Variants in ABCC1 observed in about 807,000 individuals in gnomAD.
The protein encoded by ABCC1 is multidrug resistance-associated protein 1.
ABCC1 carries 83 observed loss-of-function variants against 172.9 expected under a neutral mutation model. The observed-to-expected ratio is 0.48, with a 90% CI of 0.40 to 0.58. The LOEUF is 0.58. Ranked by LOEUF, ABCC1 falls within the 20% of genes least tolerant of loss-of-function variation. ABCC1 has a pLI of 0.00. For synonymous variants in ABCC1, 937 were observed against 825.2 expected (o/e 1.14, Z -2.32); for missense variants, 1,817 against 2,002.7 (o/e 0.91, Z 1.77).
At position 16,007,214 on chromosome 16, in the gene ABCC1, T is replaced by TTGTGTGTGTGTGTG. The variant is rs71388788; in HGVS notation, c.49-585_49-572dup. ...TGGGTTTTTTTGTGTGTATGCACTG[T>TTGTGTGTGTGTGTG]TGTGTGTGTGTGTGTGTGTGTGTGT... On this transcript the variant is annotated intron_variant, in intron 1 of 30. Transcript: ENST00000399410. Among the ~76,000 whole-genome samples, 678 of 145,826 alleles carry TTGTGTGTGTGTGTG rather than the reference T, an allele frequency of 4.6e-3. 11 individuals carry two copies. The highest frequency in any genetic ancestry group is 0.024 in the South Asian group (110 of 4,534).
At chr16:16,055,219 G>A (rs2049596663) in intron 11 of ABCC1, among the ~76,000 whole-genome samples, 1 of 151,908 alleles carries the variant, frequency 6.6e-6, no homozygotes, top group Non-Finnish European at 1.5e-5. Context: ...GCCAGAGTGA[G>A]ATGATGTTTC....
chr16:16,132,400 T>C (rs889551933), intron 27 of ABCC1, among the ~76,000 whole-genome samples: 1 of 151,834 alleles, frequency 6.6e-6, no homozygotes, highest in African/African-American at 2.4e-5. Context: ...TCTGGAACTC[T>C]TGAGCTCAAC....
chr16:16,019,736 C>T (rs1480035205), intron 5 of ABCC1, among the ~76,000 whole-genome samples: 1 of 152,190 alleles, frequency 6.6e-6, no homozygotes, highest in African/African-American at 2.4e-5. Context: ...GCATTCCTGG[C>T]AGCCTGGGCC....
At chr16:15,955,643 A>G (rs1222855050) in intron 1 of ABCC1, among the ~76,000 whole-genome samples, 1 of 151,838 alleles carries the variant, frequency 6.6e-6, no homozygotes, top group Non-Finnish European at 1.5e-5. Flanking sequence ...CCTACCTACT[A>G]TGTCCCTCAC....
intron 1 of ABCC1, among the ~76,000 whole-genome samples, chr16:15,998,348 A>G (rs2047130687): frequency 6.6e-6 from 1 of 151,560 alleles, no homozygotes; most frequent in South Asian, 2.1e-4. Context: ...GCTTTTCTTG[A>G]ACTCCTGAGC....
chr16:16,087,066 G>A (rs567771474), intron 18 of ABCC1, 75 bp downstream of exon 18: 1 of 1,507,000 alleles, frequency 6.6e-7, no homozygotes, highest in South Asian at 1.2e-5. Flanking sequence ...TCCCCTTTAG[G>A]AGTCCTTTAC....
At chr16:16,117,116 T>C (rs1390657306) in intron 23 of ABCC1, among the ~76,000 whole-genome samples, 1 of 152,160 alleles carries the variant, frequency 6.6e-6, no homozygotes, top group Non-Finnish European at 1.5e-5. Context: ...ACCGAAACCA[T>C]GTGTGTTAGT....
At chr16:15,961,529 G>A (rs1029446160) in intron 1 of ABCC1, among the ~76,000 whole-genome samples, 5 of 152,148 alleles carry the variant, frequency 3.3e-5, no homozygotes, top group Admixed American at 1.3e-4. Flanking sequence ...AGAAGTAGCC[G>A]TTATTGATGA....
intron 21 of ABCC1, among the ~76,000 whole-genome samples, chr16:16,110,440 A>C (rs1210297399): frequency 6.6e-6 from 1 of 151,982 alleles, no homozygotes; most frequent in Admixed American, 6.6e-5. Flanking sequence ...CCCACGCTGG[A>C]GTGCAGTGGC....
intron 6 of ABCC1, among the ~76,000 whole-genome samples, chr16:16,034,966 C>T (rs2048699799): frequency 6.6e-6 from 1 of 152,098 alleles, no homozygotes; most frequent in Admixed American, 6.6e-5. Flanking sequence ...TCAATGGATA[C>T]AGACAGAGAA....
At chr16:15,986,696 T>C (rs192518286) in intron 1 of ABCC1, among the ~76,000 whole-genome samples, 1 of 152,342 alleles carries the variant, frequency 6.6e-6, no homozygotes, top group East Asian at 1.9e-4. Flanking sequence ...TCCAAAGTCC[T>C]TAATGATACC....
At position 15,949,730 on chromosome 16, in the gene ABCC1, C is replaced by T; in HGVS notation, c.-22C>T. 1 of 1,153,266 alleles carries T rather than the reference C, an allele frequency of 8.7e-7. No individual in the cohort carries two copies. The highest frequency in any genetic ancestry group is 1.1e-6 in the Non-Finnish European group (1 of 936,352). 71.4% of individuals were successfully genotyped at this position (1,153,266 alleles called of 1,614,324 possible). On this transcript the variant is annotated 5_prime_UTR_variant, in exon 1 of 31. Coordinates refer to ENST00000399410, the MANE Select transcript of ABCC1 (RefSeq NM_004996.4). ...GCCCGATCACCCGCCGCCCGGTGCC[C>T]GCCGCCGCCCGCGCCACCGGCATGG...
rs187261086 is a variant in ABCC1 at position 16,052,836 on chromosome 16, G to A, written c.1473+20G>A. ...TATCAGGTAAGGCATGTGTCTCTGC[G>A]GGCCCCCAAGCCGGGCCCTAGGCAG... is the stretch of plus-strand genomic sequence containing the variant. On this transcript the variant is annotated intron_variant, in intron 11 of 30. Coordinates refer to ENST00000399410, the MANE Select transcript of ABCC1 (RefSeq NM_004996.4). 6.0e-5 allele frequency: 97 copies of A among 1,613,088 alleles called. 1 individual carries two copies. In the African/African-American group the frequency reaches 1.1e-3, roughly 19 times the overall value.
chr16:16,138,575 A>G lies in ABCC1; in HGVS notation c.4487+17A>G. The G allele has an allele frequency of 6.4e-7, 1 of 1,554,038 alleles. No homozygotes were observed. The highest frequency in any genetic ancestry group is 8.8e-7 in the Non-Finnish European group (1 of 1,141,700). Reference sequence around the variant, plus strand: ...CTACACAAGGTGATGCCACTGGCACAGTGGCCTCTAGGCTTTGGGAGTTTG... The same window carrying G: ...CTACACAAGGTGATGCCACTGGCACGGTGGCCTCTAGGCTTTGGGAGTTTG... On this transcript the variant is annotated intron_variant, in intron 30 of 30. Transcript: ENST00000399410.
chr16:15,949,732 C>T lies in ABCC1; in HGVS notation c.-20C>T. ...CCGATCACCCGCCGCCCGGTGCCCG[C>T]CGCCGCCCGCGCCACCGGCATGGCG... is the stretch of plus-strand genomic sequence containing the variant. On this transcript the variant is annotated 5_prime_UTR_variant, in exon 1 of 31. Coordinates refer to ENST00000399410, the MANE Select transcript of ABCC1 (RefSeq NM_004996.4). 1 of 1,158,804 alleles carries T rather than the reference C, an allele frequency of 8.6e-7. No homozygotes were observed. Among genetic ancestry groups the T allele is most frequent in the Non-Finnish European group, 1.1e-6 (1 of 939,696 alleles). 71.8% of individuals were successfully genotyped at this position (1,158,804 alleles called of 1,614,324 possible). A position where few individuals can be genotyped will look rare whatever the true frequency, so the allele number is the denominator to read the frequency against.
Position 16,009,853 on chromosome 16 carries a change from C to T in ABCC1, c.303C>T (p.Phe101=). Residue 101 remains phenylalanine (F), a synonymous_variant, in exon 3 of 31, where the codon TTC becomes TTT. Coordinates refer to ENST00000399410, the MANE Select transcript of ABCC1 (RefSeq NM_004996.4). Reference sequence around the variant, plus strand: ...TCTGGGAAAGAAGTCGGGGCATATTCCTGGCCCCAGTGTTTCTGGTCAGCC... The same window carrying T: ...TCTGGGAAAGAAGTCGGGGCATATTTCTGGCCCCAGTGTTTCTGGTCAGCC... The part of the protein sequence containing the change: ...YSFWERSRGI[F]LAPVFLVSPT... The T allele has an allele frequency of 3.1e-6, 5 of 1,611,628 alleles. No homozygotes were observed. Among genetic ancestry groups the T allele is most frequent in the Non-Finnish European group, 4.2e-6 (5 of 1,179,068 alleles).
intron 24 of ABCC1, 66 bp downstream of exon 24, chr16:16,122,240 G>T: frequency 6.4e-7 from 1 of 1,564,464 alleles, no homozygotes. Context: ...TCTTTGCCTC[G>T]ATCTTTTCCT....
intron 1 of ABCC1, among the ~76,000 whole-genome samples, chr16:15,971,163 G>A (rs1378563721): frequency 6.6e-6 from 1 of 152,204 alleles, no homozygotes; most frequent in Admixed American, 6.5e-5. Flanking sequence ...TACAGAGGCT[G>A]GAAGAGGCAG....
chr16:16,079,319 C>T (rs765444344), intron 15 of ABCC1, 33 bp from the exon 16 acceptor site: 43 of 1,609,196 alleles, frequency 2.7e-5, no homozygotes, highest in East Asian at 4.5e-5. Flanking sequence ...CCTCATTCAG[C>T]GTGGCTGAGC....
Sources: allele counts gnomAD v4.1 joint callset (sites outside exome capture counted in the v4.1 genomes callset), GRCh38; gene constraint gnomAD v4.1.1; transcripts MANE v1.5; gene names NCBI Gene and HGNC (gene_info 2026-07-23, HGNC 2026-07-21).